The following TSHZ3 variants were observed in gnomAD, a reference collection of about 807,000 sequenced individuals.
The protein encoded by TSHZ3 is teashirt zinc finger homeobox 3, also known as teashirt homolog 3.
Under a neutral mutation model 64.5 loss-of-function variants are expected in TSHZ3, and 10 were observed. The observed-to-expected ratio is 0.16, with a 90% CI of 0.10 to 0.26. The LOEUF is 0.26. TSHZ3 is among the 10% of genes least tolerant of loss of function. TSHZ3 has a pLI of 1.00. For synonymous variants in TSHZ3, 608 were observed against 593.1 expected (o/e 1.03, Z -0.36); for missense variants, 1,242 against 1,421.7 (o/e 0.87, Z 2.03).
At chr19:31,250,350 C>A (rs903468129) in intron 1 of TSHZ3, among the ~76,000 whole-genome samples, 2 of 152,160 alleles carry the variant, frequency 1.3e-5, no homozygotes, top group African/African-American at 2.4e-5. Context: ...GGTGGATCTC[C>A]CCATCTCTAA....
At chr19:31,189,978 C>T (rs866955448) in intron 5 of TSHZ3, among the ~76,000 whole-genome samples, 1 of 152,178 alleles carries the variant, frequency 6.6e-6, no homozygotes, top group East Asian at 1.9e-4. Flanking sequence ...CAAGTAATAG[C>T]CTTTTCTCTA....
chr19:31,202,152 C>T (rs8106616), intron 5 of TSHZ3, among the ~76,000 whole-genome samples: 95,536 of 151,516 alleles, frequency 0.63, 30,332 homozygotes, highest in Middle Eastern at 0.72. Context: ...GGCAACAGAG[C>T]GAGACTCTGT....
At chr19:31,308,626 A>G in intron 1 of TSHZ3, 1 of 398,568 alleles carries the variant, frequency 2.5e-6, no homozygotes, top group Middle Eastern at 6.3e-4. Context: ...CTCCACAGGT[A>G]CACAGGGGTA....
rs192692174 is a variant in TSHZ3 at position 31,339,855 on chromosome 19, G to A, written c.40+9325C>T. ...ACCTGCAAAAGGCCACGCACGTGTC[G>A]AAGTCCCTAGCTGTCGCAACACCGT... On this transcript the variant is annotated intron_variant, in intron 1 of 1. Transcript: ENST00000240587. Among the ~76,000 whole-genome samples the A allele has an allele frequency of 1.0e-3, 157 of 150,518 alleles. 1 individual carries two copies. Among genetic ancestry groups the A allele is most frequent in the African/African-American group, 3.7e-3 (150 of 40,664 alleles).
rs577948332 is a variant in TSHZ3, at chr19:31,202,059, G to A, written n.809+2897C>T. ...GCGGTGCCTGTAATCCCAGCTACTC[G>A]GGAGACTGAGGCAGGAGAATCGCTT... On this transcript the variant is annotated intron_variant and non_coding_transcript_variant, in intron 5 of 6. Coordinates refer to the TSHZ3 transcript ENST00000651361. Among the ~76,000 whole-genome samples the A allele has an allele frequency of 8.3e-4, 127 of 152,114 alleles. 2 individuals carry two copies. Among genetic ancestry groups the A allele is most frequent in the African/African-American group, 2.9e-3 (120 of 41,494 alleles).
At chr19:31,206,894 C>A (rs918826237) in intron 4 of TSHZ3, among the ~76,000 whole-genome samples, 1 of 152,098 alleles carries the variant, frequency 6.6e-6, no homozygotes, top group Non-Finnish European at 1.5e-5. Context: ...GTTGGGATAA[C>A]CCCTGCAATC....
chr19:31,216,253 G>A (rs772485743), intron 4 of TSHZ3, among the ~76,000 whole-genome samples: 3 of 152,118 alleles, frequency 2.0e-5, no homozygotes, highest in Admixed American at 1.3e-4. Flanking sequence ...CTTTTTGGGG[G>A]GGCTCCCAGC....
intron 1 of TSHZ3, among the ~76,000 whole-genome samples, chr19:31,341,630 GACACACAC>G (rs57786287): frequency 0.068 from 9,349 of 138,026 alleles, 327 homozygotes; most frequent in Middle Eastern, 0.14. Flanking sequence ...CTCTCTCTCT[GACACACAC>G]ACACACACAC....
At chr19:31,306,973 C>A (rs532334435) in intron 1 of TSHZ3, among the ~76,000 whole-genome samples, 1 of 152,236 alleles carries the variant, frequency 6.6e-6, no homozygotes, top group South Asian at 2.1e-4. Context: ...GACTTGGAGT[C>A]CTCCTTTCTA....
chr19:31,339,263 AG>A (rs995632114), intron 1 of TSHZ3, among the ~76,000 whole-genome samples: 2 of 151,944 alleles, frequency 1.3e-5, no homozygotes, highest in Non-Finnish European at 2.9e-5. Context: ...GGAATGAGAA[AG>A]GGGGGAAAAA....
intron 5 of TSHZ3, among the ~76,000 whole-genome samples, chr19:31,189,734 G>T (rs1288140102): frequency 8.6e-5 from 13 of 151,956 alleles, no homozygotes; most frequent in Non-Finnish European, 1.3e-4. Context: ...TTCTGTAAAT[G>T]TCAACTAGGC....
chr19:31,331,751 C>T (rs1356491955), intron 1 of TSHZ3, among the ~76,000 whole-genome samples: 1 of 152,210 alleles, frequency 6.6e-6, no homozygotes, highest in Non-Finnish European at 1.5e-5. Context: ...GCTGTCTGGT[C>T]CAGCCGGGAC....
intron 1 of TSHZ3, among the ~76,000 whole-genome samples, chr19:31,292,817 T>C (rs1459478250): frequency 6.8e-6 from 1 of 147,746 alleles, no homozygotes; most frequent in Non-Finnish European, 1.5e-5. Context: ...CAAACACCCA[T>C]CCATTCATCC....
intron 1 of TSHZ3, among the ~76,000 whole-genome samples, chr19:31,342,060 T>A (rs1219791598): frequency 2.0e-5 from 3 of 152,234 alleles, no homozygotes; most frequent in African/African-American, 7.2e-5. Flanking sequence ...AGCAGGAGTA[T>A]TACAATAAGG....
rs146566242 is a variant in TSHZ3, at chr19:31,234,382, C to T, written n.551-6242G>A. On this transcript the variant is annotated intron_variant and non_coding_transcript_variant, in intron 3 of 6. Coordinates refer to the TSHZ3 transcript ENST00000651361. The stretch of plus-strand genomic sequence containing the variant: ...AAATTCGTTTGTTTATTTATTTTGC[C>T]TTATGGCATTGGCTAGGACATCCAG... 2.6e-3 allele frequency among the ~76,000 whole-genome samples: 401 copies of T among 151,680 alleles called. 1 individual carries two copies. The highest frequency in any genetic ancestry group is 9.0e-3 in the African/African-American group (370 of 41,322).
intron 4 of TSHZ3, among the ~76,000 whole-genome samples, chr19:31,218,576 A>G (rs1038952544): frequency 3.3e-5 from 5 of 152,224 alleles, no homozygotes; most frequent in Admixed American, 3.3e-4. Context: ...GAGAAAACTT[A>G]TGTCTACATA....
At chr19:31,212,222 A>T (rs1014037494) in intron 4 of TSHZ3, among the ~76,000 whole-genome samples, 1 of 152,056 alleles carries the variant, frequency 6.6e-6, no homozygotes, top group Non-Finnish European at 1.5e-5. Flanking sequence ...TTGGGAGGCC[A>T]AGGCAGGAGA....
In TSHZ3 at chr19:31,299,194, C is replaced by CA. The variant is rs944458308; in HGVS notation, c.41-19443dup. On this transcript the variant is annotated intron_variant, in intron 1 of 1. Transcript: ENST00000240587. Reference sequence around the variant, plus strand: ...TGGGTGACAGGGCGAGACTCCATCTCAAAAAAAAGTGTGACACACAACCGC... The same window carrying CA: ...TGGGTGACAGGGCGAGACTCCATCTCAAAAAAAAAGTGTGACACACAACCGC... Among the ~76,000 whole-genome samples, 8 of 151,948 alleles carry CA rather than the reference C, an allele frequency of 5.3e-5. No homozygotes were observed. In the East Asian group the frequency reaches 5.8e-4, roughly 11 times the overall value.
intron 1 of TSHZ3, among the ~76,000 whole-genome samples, chr19:31,335,922 G>A (rs538087702): frequency 1.3e-5 from 2 of 152,288 alleles, no homozygotes; most frequent in East Asian, 3.9e-4. Context: ...AAAAATCCCC[G>A]GTGCTGTGAC....
Sources: gnomAD v4.1 joint callset for allele counts (sites outside exome capture counted in the v4.1 genomes callset) on GRCh38, gnomAD v4.1.1 for gene constraint, MANE v1.5 for transcripts, NCBI Gene and HGNC (gene_info 2026-07-23, HGNC 2026-07-21) for gene names.